NDRG1: variants seen among roughly 807,000 people sequenced by gnomAD.
NDRG1 encodes protein NDRG1.
A neutral mutation model predicts 56.9 loss-of-function variants in NDRG1; 32 were observed. The observed-to-expected ratio is 0.56, with a 90% CI of 0.42 to 0.76. NDRG1 has a LOEUF of 0.76. Ranked by LOEUF, NDRG1 falls within the 30% of genes least tolerant of loss-of-function variation. NDRG1 has a pLI of 0.00. For missense variants in NDRG1, 507 were observed against 545.7 expected, an observed-to-expected ratio of 0.93 and a Z score of 0.71; for synonymous variants, 211 against 204.1, an observed-to-expected ratio of 1.03 and a Z score of -0.29.
At position 133,268,949 on chromosome 8, in the gene NDRG1, ACTGT is replaced by A. The variant is rs1327353433; in HGVS notation, c.100-4301_100-4298del. Reference sequence around the variant, plus strand: ...ACGCGGTTCTAAGCCAGTCAAGAAGACTGTCTGAGATTGAATGGGAGAATTACAA... The same window carrying A: ...ACGCGGTTCTAAGCCAGTCAAGAAGACTGAGATTGAATGGGAGAATTACAA... On this transcript the variant is annotated intron_variant, in intron 3 of 15. Coordinates refer to ENST00000323851, the MANE Select transcript of NDRG1 (RefSeq NM_006096.4). Among the ~76,000 whole-genome samples, 22 of 152,188 alleles carry A rather than the reference ACTGT, an allele frequency of 1.4e-4. 1 individual carries two copies. The highest frequency in any genetic ancestry group is 4.8e-4 in the African/African-American group (20 of 41,454).
At chr8:133,284,862 T>C (rs1858018335) in intron 1 of NDRG1, 2 of 456,226 alleles carry the variant, frequency 4.4e-6, no homozygotes, top group Admixed American at 2.4e-5. Flanking sequence ...TGAACACACA[T>C]ACACACCCCA....
At chr8:133,290,036 G>C (rs1178622143) in intron 1 of NDRG1, among the ~76,000 whole-genome samples, 1 of 152,102 alleles carries the variant, frequency 6.6e-6, no homozygotes, top group Non-Finnish European at 1.5e-5. Flanking sequence ...TCTTACCAAG[G>C]CCCTGCCAGG....
At chr8:133,279,296 C>T (rs949196209) in intron 3 of NDRG1, among the ~76,000 whole-genome samples, 1 of 152,238 alleles carries the variant, frequency 6.6e-6, no homozygotes, top group African/African-American at 2.4e-5. Flanking sequence ...CCTCGATCAT[C>T]TACTAGCCAA....
intron 3 of NDRG1, among the ~76,000 whole-genome samples, chr8:133,271,229 C>G (rs1329802800): frequency 1.3e-5 from 2 of 152,164 alleles, no homozygotes; most frequent in African/African-American, 4.8e-5. Context: ...GCTTGGTGAC[C>G]CTCCCTCAGT....
chr8:133,245,710 T>C (rs895441076), intron 13 of NDRG1, among the ~76,000 whole-genome samples: 1 of 152,130 alleles, frequency 6.6e-6, no homozygotes, highest in East Asian at 1.9e-4. Flanking sequence ...AGGGAATAAA[T>C]ATCTGTTGCT....
intron 3 of NDRG1, among the ~76,000 whole-genome samples, chr8:133,274,079 C>T (rs1857335271): frequency 6.6e-6 from 1 of 152,172 alleles, no homozygotes; most frequent in African/African-American, 2.4e-5. Context: ...AGGTGGGGGC[C>T]TGACAGCGCT....
chr8:133,254,986 T>C (rs754798988), intron 8 of NDRG1: 3 of 334,290 alleles, frequency 9.0e-6, no homozygotes, highest in African/African-American at 4.3e-5. Context: ...CAAGATATGC[T>C]TGGCTCCCAA....
chr8:133,277,495 A>G (rs1482166337), intron 3 of NDRG1, among the ~76,000 whole-genome samples: 1 of 152,154 alleles, frequency 6.6e-6, no homozygotes. Flanking sequence ...CCCAGGAGGT[A>G]AAGAAAGGTT....
In NDRG1 at chr8:133,293,049, G is replaced by A. The variant is rs2130813912; in HGVS notation, c.-19+4085C>T. 3.3e-5 allele frequency among the ~76,000 whole-genome samples: 5 copies of A among 152,240 alleles called. 1 individual carries two copies. In the Middle Eastern group the frequency reaches 0.017, roughly 518 times the overall value. ...AATCCATTCCCATTCTGTAGTGCTG[G>A]GGCTTACGCCCCACCCGAGGGAGCC... On this transcript the variant is annotated intron_variant, in intron 1 of 15. Coordinates refer to ENST00000323851, the MANE Select transcript of NDRG1 (RefSeq NM_006096.4).
intron 2 of NDRG1, among the ~76,000 whole-genome samples, chr8:133,280,617 G>A (rs2130786579): frequency 6.6e-6 from 1 of 151,982 alleles, no homozygotes; most frequent in South Asian, 2.1e-4. Context: ...TGTATTTTTA[G>A]TAGAGACGGG....
intron 1 of NDRG1, 164 bp downstream of exon 1, chr8:133,296,970 C>G (rs567347979): frequency 5.5e-5 from 9 of 164,368 alleles, no homozygotes; most frequent in South Asian, 3.8e-4. Flanking sequence ...CACCCAAAGC[C>G]CCCTCGCGCC....
At chr8:133,248,858 G>A in intron 10 of NDRG1, 87 bp from the exon 11 acceptor site, 2 of 1,473,070 alleles carry the variant, frequency 1.4e-6, no homozygotes, top group Non-Finnish European at 1.9e-6. Flanking sequence ...AGGAGGTCCT[G>A]CCAGTGGCCA....
chr8:133,252,364 G>T (rs1465586182), intron 9 of NDRG1, among the ~76,000 whole-genome samples: 1 of 152,190 alleles, frequency 6.6e-6, no homozygotes, highest in Non-Finnish European at 1.5e-5. Context: ...CAAAGTGCTG[G>T]GATTATAGGT....
chr8:133,259,278 G>T (rs2233326), intron 5 of NDRG1, 48 bp from the exon 6 acceptor site: 3 of 1,581,112 alleles, frequency 1.9e-6, no homozygotes, highest in Non-Finnish European at 1.7e-6. Flanking sequence ...GACAGAAACG[G>T]GTAATCCAAA....
chr8:133,259,333 A>C, intron 5 of NDRG1, 103 bp from the exon 6 acceptor site: 1 of 1,174,758 alleles, frequency 8.5e-7, no homozygotes, highest in Non-Finnish European at 1.3e-6. Context: ...AGCCTGCCCC[A>C]TGCACCCAGA....
intron 2 of NDRG1, among the ~76,000 whole-genome samples, chr8:133,281,920 C>A (rs977228957): frequency 6.6e-6 from 1 of 152,144 alleles, no homozygotes; most frequent in Non-Finnish European, 1.5e-5. Flanking sequence ...CAAACACCAA[C>A]CTTCAAAACG....
chr8:133,247,231 T>C (rs748812145), intron 12 of NDRG1, among the ~76,000 whole-genome samples: 6 of 152,224 alleles, frequency 3.9e-5, no homozygotes, highest in Non-Finnish European at 7.3e-5. Flanking sequence ...TATCCCATGA[T>C]TATCTCCAGT....
chr8:133,296,639 C>G, intron 1 of NDRG1: 1 of 434,348 alleles, frequency 2.3e-6, no homozygotes, highest in Non-Finnish European at 4.6e-6. Flanking sequence ...CGCCACTCAC[C>G]TCTACCAACC....
chr8:133,277,477 T>G (rs1857515212), intron 3 of NDRG1, among the ~76,000 whole-genome samples: 1 of 152,024 alleles, frequency 6.6e-6, no homozygotes, highest in South Asian at 2.1e-4. Context: ...GCATGAGAAT[T>G]GCTTGAACCC....
Sources: gnomAD v4.1 joint callset for allele counts (sites outside exome capture counted in the v4.1 genomes callset) on GRCh38, gnomAD v4.1.1 for gene constraint, MANE v1.5 for transcripts, NCBI Gene and HGNC (gene_info 2026-07-23, HGNC 2026-07-21) for gene names.